The following PNPLA3 variants were observed in gnomAD, a reference collection of about 807,000 sequenced individuals.
PNPLA3 encodes 1-acylglycerol-3-phosphate O-acyltransferase PNPLA3.
A neutral mutation model predicts 43.1 loss-of-function variants in PNPLA3; 42 were observed. The observed-to-expected ratio is 0.97, with a 90% CI of 0.76 to 1.26. The LOEUF (loss-of-function observed/expected upper bound fraction) is 1.26. Ranked by LOEUF, PNPLA3 falls within the 50% of genes most tolerant of loss-of-function variation. The pLI is 0.00. For missense variants in PNPLA3, 647 were observed against 621.4 expected (o/e 1.04, Z -0.44); for synonymous variants, 272 against 253.6 (o/e 1.07, Z -0.69).
chr22:43,932,888 A>G lies in PNPLA3; in HGVS notation c.497A>G (p.Asp166Gly). The change falls in exon 4 of 9, where the codon GAT (aspartate) becomes GGT (glycine). Residue 166 changes from aspartate (D) to glycine (G), a missense_variant. Coordinates refer to ENST00000216180, the MANE Select transcript of PNPLA3 (RefSeq NM_025225.3). ...PPSFRGVRYV[D>G]GGVSDNVPFI... ...CCCCTTCTTTAAAAGCGATATGTGG[A>G]TGGAGGAGTGAGTGACAACGTACCC... is the stretch of plus-strand genomic sequence containing the variant. 1.2e-6 allele frequency: 2 copies of G among 1,614,098 alleles called. No homozygotes were observed. The highest frequency in any genetic ancestry group is 1.7e-6 in the Non-Finnish European group (2 of 1,180,000).
At position 43,924,085 on chromosome 22, in the gene PNPLA3, C is replaced by T. The variant is rs1407469769; in HGVS notation, c.174C>T (p.Ser58=). The T allele has an allele frequency of 4.5e-6, 7 of 1,559,956 alleles. No homozygotes were observed. The African/African-American group carries it at 8.5e-5, about 19-fold the overall frequency. Residue 58 remains serine, a synonymous_variant, in exon 1 of 9, where the codon TCC becomes TCT. Coordinates refer to ENST00000216180, the MANE Select transcript of PNPLA3 (RefSeq NM_025225.3). ...CGTTGCACTGCGTCGGCGTCCTCTC[C>T]GGTATCCCGCTGGGTGCGTCTGGGG... The part of the protein sequence containing the change: ...AGALHCVGVL[S]GIPLEQTLQV...
chr22:43,944,773 A>G lies in PNPLA3; in HGVS notation c.1195A>G (p.Met399Val). The G allele has an allele frequency of 6.2e-7, 1 of 1,614,074 alleles. No homozygotes were observed. The highest frequency in any genetic ancestry group is 1.1e-5 in the South Asian group (1 of 91,070). ...VTSQVFTRVL[M>V]CLLPASRSQM... is the part of the protein sequence containing the mutation. ...CTCACAGGTGTTCACTCGAGTGCTGATGTGTCTGCTCCCCGCCTCCAGGTA... is the reference window on the plus strand; with the variant it reads ...CTCACAGGTGTTCACTCGAGTGCTGGTGTGTCTGCTCCCCGCCTCCAGGTA... Residue 399 changes from methionine to valine, a missense_variant, in exon 8 of 9, where the codon ATG (methionine) becomes GTG (valine). Physicochemically the swap from Met to Val is conservative, Grantham distance 21 (BLOSUM62 1). Coordinates refer to ENST00000216180, the MANE Select transcript of PNPLA3 (RefSeq NM_025225.3).
At chr22:43,938,041 C>T (rs2050006985) in intron 6 of PNPLA3, among the ~76,000 whole-genome samples, 1 of 152,120 alleles carries the variant, frequency 6.6e-6, no homozygotes, top group Non-Finnish European at 1.5e-5. Context: ...TGTGAGGACT[C>T]AGAAGGTGGT....
intron 8 of PNPLA3, among the ~76,000 whole-genome samples, chr22:43,945,095 C>A (rs2050054437): frequency 6.6e-6 from 1 of 152,194 alleles, no homozygotes; most frequent in Non-Finnish European, 1.5e-5. Flanking sequence ...GGGAAAGGTG[C>A]TTCAGACAGA....
chr22:43,939,357 T>A, intron 6 of PNPLA3: 1 of 970,378 alleles, frequency 1.0e-6, no homozygotes, highest in Non-Finnish European at 1.2e-6. Context: ...GAAATGGACA[T>A]GTCTTTTCAA....
At chr22:43,942,707 T>C (rs549891410) in intron 7 of PNPLA3, among the ~76,000 whole-genome samples, 26 of 145,988 alleles carry the variant, frequency 1.8e-4, no homozygotes, top group African/African-American at 5.0e-4. Context: ...TTTTCTTTTT[T>C]TTTTTTTTTT....
chr22:43,944,580 G>T, intron 7 of PNPLA3, 111 bp from the exon 8 acceptor site: 1 of 833,518 alleles, frequency 1.2e-6, no homozygotes, highest in East Asian at 2.5e-5. Flanking sequence ...CACCTTCTGG[G>T]AAGTCATCAG....
chr22:43,927,414 C>A (rs139663621), intron 2 of PNPLA3, among the ~76,000 whole-genome samples: 1 of 151,672 alleles, frequency 6.6e-6, no homozygotes, highest in Non-Finnish European at 1.5e-5. Context: ...ATTGCTTGAG[C>A]CTGGGAGGTG....
chr22:43,939,299 C>T, intron 6 of PNPLA3: 4 of 777,016 alleles, frequency 5.1e-6, no homozygotes, highest in Non-Finnish European at 4.7e-6. Context: ...TGATTCTTTG[C>T]CTCATGACTT....
chr22:43,941,294 C>CTTCCTCTGAATGGGT (rs11274952), intron 7 of PNPLA3, among the ~76,000 whole-genome samples: 3 of 137,116 alleles, frequency 2.2e-5, no homozygotes, highest in Non-Finnish European at 3.1e-5. Flanking sequence ...CTTGATTGGG[C>CTTCCTCTGAATGGGT]TTCCTCTGAT....
chr22:43,940,277 C>T (rs2050023014), intron 7 of PNPLA3, 152 bp downstream of exon 7: 2 of 977,604 alleles, frequency 2.0e-6, no homozygotes, highest in African/African-American at 1.6e-5. Context: ...TGAATGTTGC[C>T]CACCTGTCCT....
intron 7 of PNPLA3, 128 bp downstream of exon 7, chr22:43,940,253 A>G: frequency 8.8e-7 from 1 of 1,136,956 alleles, no homozygotes; most frequent in Non-Finnish European, 1.3e-6. Flanking sequence ...CTCACAGTCT[A>G]TGTGCAATGC....
intron 5 of PNPLA3, among the ~76,000 whole-genome samples, chr22:43,935,641 C>G (rs752318965): frequency 4.1e-5 from 6 of 147,772 alleles, no homozygotes; most frequent in Non-Finnish European, 5.9e-5. Context: ...GACAGGATGG[C>G]ATGAAGGCCT....
At chr22:43,941,592 C>A (rs2050031578) in intron 7 of PNPLA3, among the ~76,000 whole-genome samples, 1 of 152,162 alleles carries the variant, frequency 6.6e-6, no homozygotes, top group African/African-American at 2.4e-5. Flanking sequence ...ATGTTGATTT[C>A]TATTTTCAGG....
intron 5 of PNPLA3, among the ~76,000 whole-genome samples, chr22:43,935,600 G>A (rs2049990104): frequency 6.6e-6 from 1 of 152,074 alleles, no homozygotes; most frequent in African/African-American, 2.4e-5. Flanking sequence ...TTAGGCATGG[G>A]GACCCATGGA....
intron 3 of PNPLA3, among the ~76,000 whole-genome samples, chr22:43,930,304 T>A (rs946886684): frequency 2.6e-5 from 4 of 152,176 alleles, no homozygotes; most frequent in Non-Finnish European, 4.4e-5. Context: ...GAACAGGGCA[T>A]GTCTTGGTTC....
chr22:43,926,733 T>A (rs2049924978), intron 1 of PNPLA3, among the ~76,000 whole-genome samples: 1 of 152,268 alleles, frequency 6.6e-6, no homozygotes, highest in South Asian at 2.1e-4. Flanking sequence ...ACTAAGCCAC[T>A]GAAATCCAGT....
At chr22:43,926,174 A>G (rs1002023175) in intron 1 of PNPLA3, among the ~76,000 whole-genome samples, 3 of 152,246 alleles carry the variant, frequency 2.0e-5, no homozygotes, top group African/African-American at 7.2e-5. Flanking sequence ...GGACAGGCAG[A>G]ACCTGCCAGC....
At chr22:43,942,356 ATG>A (rs1221853644) in intron 7 of PNPLA3, among the ~76,000 whole-genome samples, 1 of 152,152 alleles carries the variant, frequency 6.6e-6, no homozygotes, top group African/African-American at 2.4e-5. Context: ...GTTTGACTTT[ATG>A]TGTGTTGGGA....
Sources: gnomAD v4.1 joint callset for allele counts (sites outside exome capture counted in the v4.1 genomes callset) on GRCh38, gnomAD v4.1.1 for gene constraint, MANE v1.5 for transcripts, NCBI Gene and HGNC (gene_info 2026-07-23, HGNC 2026-07-21) for gene names.